SEMA3A: variants seen among roughly 807,000 people sequenced by gnomAD.
The protein encoded by SEMA3A is semaphorin 3A, also known as semaphorin-3A.
Under a neutral mutation model 97.9 loss-of-function variants are expected in SEMA3A, and 29 were observed. The observed-to-expected ratio is 0.30, with a 90% confidence interval of 0.22 to 0.40. The LOEUF (loss-of-function observed/expected upper bound fraction) is 0.40, where lower values mean the gene tolerates loss of function less well. Ranked by LOEUF, SEMA3A falls within the 10% of genes least tolerant of loss-of-function variation. The pLI, the probability that SEMA3A is intolerant of heterozygous loss-of-function variation, is 1.00. For missense variants in SEMA3A, 763 were observed against 951.3 expected, an observed-to-expected ratio of 0.80 and a Z score of 2.60; for synonymous variants, 321 against 323.7, an observed-to-expected ratio of 0.99 and a Z score of 0.09.
intron 1 of SEMA3A, among the ~76,000 whole-genome samples, chr7:84,372,921 A>T (rs1803006796): frequency 6.6e-6 from 1 of 152,104 alleles, no homozygotes; most frequent in Admixed American, 6.5e-5. Flanking sequence ...CTGGCTATGA[A>T]TTTCATCATG....
intron 2 of SEMA3A, among the ~76,000 whole-genome samples, chr7:84,330,874 T>C (rs1049590920): frequency 1.3e-5 from 2 of 152,092 alleles, no homozygotes; most frequent in African/African-American, 2.4e-5. Flanking sequence ...AGTATAGAAA[T>C]GGATTATGTT....
intron 1 of SEMA3A, among the ~76,000 whole-genome samples, chr7:84,139,416 T>C (rs934484626): frequency 3.3e-5 from 5 of 152,058 alleles, no homozygotes; most frequent in African/African-American, 1.2e-4. Flanking sequence ...AGAACACTCT[T>C]TAATAAAGTA....
intron 4 of SEMA3A, among the ~76,000 whole-genome samples, chr7:84,109,648 C>A (rs1156053): frequency 0.48 from 73,434 of 151,960 alleles, 19,039 homozygotes; most frequent in East Asian, 0.69. Flanking sequence ...TATCTTTAGG[C>A]TATCAGAAAT....
intron 2 of SEMA3A, among the ~76,000 whole-genome samples, chr7:84,344,020 A>AAAAG: frequency 6.6e-6 from 1 of 152,198 alleles, no homozygotes; most frequent in African/African-American, 2.4e-5. Flanking sequence ...GGAAAAAAAA[A>AAAAG]AAAGAAAATT....
intron 3 of SEMA3A, among the ~76,000 whole-genome samples, chr7:84,261,204 G>C (rs1351161464): frequency 3.3e-5 from 5 of 152,166 alleles, no homozygotes; most frequent in African/African-American, 7.2e-5. Flanking sequence ...TCTGTGGATA[G>C]GAGCTACTCA....
chr7:84,045,007 T>C (rs2372025), intron 6 of SEMA3A, among the ~76,000 whole-genome samples: 20,173 of 151,878 alleles, frequency 0.13, 1,637 homozygotes, highest in East Asian at 0.38. Context: ...GAGATGCTGA[T>C]TGAGGTAATT....
chr7:84,172,648 G>C (rs145956277), intron 1 of SEMA3A, among the ~76,000 whole-genome samples: 4 of 151,936 alleles, frequency 2.6e-5, no homozygotes, highest in Non-Finnish European at 4.4e-5. Flanking sequence ...GGATGGTCTC[G>C]ATCTCCTGAC....
At chr7:84,328,453 G>A (rs1801824831) in intron 2 of SEMA3A, among the ~76,000 whole-genome samples, 1 of 151,928 alleles carries the variant, frequency 6.6e-6, no homozygotes, top group Non-Finnish European at 1.5e-5. Context: ...GGGGAAGAGA[G>A]ACAAAATAGA....
chr7:83,983,401 CTCTGTT>C (rs3839779), intron 13 of SEMA3A, among the ~76,000 whole-genome samples: 42,122 of 151,720 alleles, frequency 0.28, 6,828 homozygotes, highest in Non-Finnish European at 0.38. Context: ...CAATCAAGAT[CTCTGTT>C]TCGCCAATAA....
At chr7:84,242,840 CTGAAGGGGTGT>C (rs1439204746) in intron 3 of SEMA3A, among the ~76,000 whole-genome samples, 5 of 152,060 alleles carry the variant, frequency 3.3e-5, no homozygotes, top group Admixed American at 2.0e-4. Context: ...AGTTTTTAGC[CTGAAGGGGTGT>C]TGAATTTTAT....
chr7:84,406,852 T>C (rs999186811), intron 1 of SEMA3A, among the ~76,000 whole-genome samples: 34 of 151,946 alleles, frequency 2.2e-4, no homozygotes, highest in African/African-American at 7.5e-4. Flanking sequence ...AATTCAACAA[T>C]ACTTCGTGAT....
intron 1 of SEMA3A, among the ~76,000 whole-genome samples, chr7:84,429,516 T>TTTTTTATATA (rs1554385260): frequency 4.1e-5 from 3 of 72,420 alleles, no homozygotes; most frequent in Non-Finnish European, 7.0e-5. Flanking sequence ...ATAGAGTTTG[T>TTTTTTATATA]TATATATATA....
chr7:83,978,301 C>T (rs979827794), intron 14 of SEMA3A, among the ~76,000 whole-genome samples: 2 of 152,114 alleles, frequency 1.3e-5, no homozygotes, highest in East Asian at 1.9e-4. Flanking sequence ...AAAAATCAAA[C>T]GATTTCTTCT....
At chr7:84,119,425 T>C (rs1327394920) in intron 3 of SEMA3A, among the ~76,000 whole-genome samples, 1 of 152,126 alleles carries the variant, frequency 6.6e-6, no homozygotes, top group African/African-American at 2.4e-5. Context: ...TGCTACCAAC[T>C]AAAAAGTCCA....
chr7:84,342,837 T>C (rs1388744846), intron 2 of SEMA3A, among the ~76,000 whole-genome samples: 1 of 152,210 alleles, frequency 6.6e-6, no homozygotes, highest in African/African-American at 2.4e-5. Context: ...AGGCCTTGAA[T>C]GGTGACAAAA....
intron 2 of SEMA3A, among the ~76,000 whole-genome samples, chr7:84,333,050 T>TA (rs1052864686): frequency 6.6e-6 from 1 of 152,128 alleles, no homozygotes. Flanking sequence ...GTTATTTAGT[T>TA]ACCTCCATTG....
At chr7:84,476,779 G>A (rs1584352174) in intron 1 of SEMA3A, among the ~76,000 whole-genome samples, 1 of 152,052 alleles carries the variant, frequency 6.6e-6, no homozygotes, top group East Asian at 1.9e-4. Flanking sequence ...AAAATCTAAC[G>A]CAAGAAACAA....
upstream of SEMA3A, among the ~76,000 whole-genome samples, chr7:84,199,152 C>A (rs930266973): frequency 1.1e-4 from 16 of 152,162 alleles, no homozygotes; most frequent in African/African-American, 3.9e-4. Flanking sequence ...TACCCTGAAT[C>A]TCTCTGTGAA....
intron 3 of SEMA3A, among the ~76,000 whole-genome samples, chr7:84,208,262 C>T (rs1045042394): frequency 6.6e-6 from 1 of 152,040 alleles, no homozygotes; most frequent in Non-Finnish European, 1.5e-5. Context: ...ACCATCCTGG[C>T]TAACATGGTG....
Sources: gnomAD v4.1 joint callset for allele counts (sites outside exome capture counted in the v4.1 genomes callset) on GRCh38, gnomAD v4.1.1 for gene constraint, MANE v1.5 for transcripts, NCBI Gene and HGNC (gene_info 2026-07-23, HGNC 2026-07-21) for gene names.